The following STIM2 variants were observed in gnomAD, a reference collection of about 807,000 sequenced individuals.
STIM2 encodes the protein stromal interaction molecule 2.
A neutral mutation model predicts 85.8 loss-of-function variants in STIM2; 31 were observed. That is an observed-to-expected ratio of 0.36 (90% CI 0.27 to 0.49). The LOEUF is 0.49. Ranked by LOEUF, STIM2 falls within the 20% of genes least tolerant of loss-of-function variation. STIM2 has a pLI of 0.98. For synonymous variants in STIM2, 356 were observed against 331.1 expected (o/e 1.08, Z -0.82); for missense variants, 841 against 927.6 (o/e 0.91, Z 1.21).
Position 27,008,289 on chromosome 4 carries a change from A to G in STIM2, c.1150-139A>G, listed in dbSNP as rs1577494118. The G allele has an allele frequency of 9.3e-6, 5 of 534,930 alleles. No homozygotes were observed. In the South Asian group the frequency reaches 1.7e-4, roughly 19 times the overall value. The allele number at this position is 534,930 out of a possible 1,614,324, so 33.1% of individuals were successfully genotyped here. On this transcript the variant is annotated intron_variant, in intron 8 of 11. Transcript: ENST00000467087. ...CTGTTTTCTTTTTTGGAATGCAGGG[A>G]TATCTTGGCTAGTAATTCTCTACTG...
chr4:26,950,424 G>A (rs1053800001), intron 2 of STIM2, among the ~76,000 whole-genome samples: 1 of 152,146 alleles, frequency 6.6e-6, no homozygotes, highest in Non-Finnish European at 1.5e-5. Flanking sequence ...TGGCTTGAAT[G>A]TGTTCCCCAA....
At chr4:26,955,369 A>G (rs926516696) in intron 2 of STIM2, among the ~76,000 whole-genome samples, 6 of 148,036 alleles carry the variant, frequency 4.1e-5, no homozygotes, top group African/African-American at 1.5e-4. Context: ...TCTTTAATAT[A>G]TATTACGTAA....
At chr4:26,983,645 T>G (rs1205872422) in intron 3 of STIM2, among the ~76,000 whole-genome samples, 3 of 152,242 alleles carry the variant, frequency 2.0e-5, no homozygotes, top group Non-Finnish European at 2.9e-5. Context: ...TATTGTGTCT[T>G]CTTACCTGGA....
At chr4:26,923,270 TG>T (rs1560208662) in intron 2 of STIM2, among the ~76,000 whole-genome samples, 2 of 149,388 alleles carry the variant, frequency 1.3e-5, no homozygotes, top group East Asian at 3.9e-4. Flanking sequence ...ACCACAAAGA[TG>T]GGGAAAAAAC....
chr4:26,888,061 T>G (rs1723328213), intron 1 of STIM2, among the ~76,000 whole-genome samples: 1 of 152,230 alleles, frequency 6.6e-6, no homozygotes, highest in Admixed American at 6.5e-5. Context: ...AATAATTTCC[T>G]TTGCTTAAAG....
chr4:26,890,730 A>G (rs1397740911), intron 1 of STIM2, among the ~76,000 whole-genome samples: 1 of 150,100 alleles, frequency 6.7e-6, no homozygotes, highest in Non-Finnish European at 1.5e-5. Flanking sequence ...AGGCTGAGGC[A>G]GGAGAATGGC....
chr4:27,022,801 C>G lies in STIM2; in HGVS notation c.2046C>G (p.Asn682Lys). The G allele has an allele frequency of 6.2e-7, 1 of 1,614,168 alleles. No individual in the cohort carries two copies. The highest frequency in any genetic ancestry group is 8.5e-7 in the Non-Finnish European group (1 of 1,180,044). ...TTTTGGAGAAATCCTGTAGCATGAA[C>G]CAGCTTTCCAGTGGCATCCCGGTGC... The change falls in exon 12 of 12, where the codon AAC (asparagine) becomes AAG (lysine). Residue 682 changes from asparagine (N) to lysine (K), a missense_variant. Physicochemically the swap from Asn to Lys is moderately conservative, Grantham distance 94 (BLOSUM62 0). Transcript: ENST00000467087.
At chr4:26,882,455 T>TTCTTTC (rs1216586755) in intron 1 of STIM2, among the ~76,000 whole-genome samples, 1 of 111,326 alleles carries the variant, frequency 9.0e-6, no homozygotes, top group African/African-American at 5.1e-5. Flanking sequence ...CTTTCTTTCT[T>TTCTTTC]TTTTTTTGTT....
chr4:26,893,064 C>T (rs1468695238), intron 1 of STIM2, among the ~76,000 whole-genome samples: 1 of 152,172 alleles, frequency 6.6e-6, no homozygotes, highest in Admixed American at 6.5e-5. Context: ...AGAATCACTA[C>T]CCCTGCATCC....
chr4:26,875,041 C>G (rs1186551247), intron 1 of STIM2, among the ~76,000 whole-genome samples: 1 of 152,176 alleles, frequency 6.6e-6, no homozygotes, highest in Non-Finnish European at 1.5e-5. Context: ...TTAATTGAAG[C>G]TGAATGGCAT....
At position 27,017,879 on chromosome 4, in the gene STIM2, C is replaced by T. The variant is rs1198800157; in HGVS notation, c.1658C>T (p.Ser553Phe). Residue 553 changes from serine (S) to phenylalanine (F), a missense_variant, in exon 11 of 12, where the codon TCC (serine) becomes TTC (phenylalanine). By Grantham distance (155) the Ser-to-Phe change is radical (BLOSUM62 -2). Around this residue, in one of 3 missense-constraint regions of STIM2, gnomAD observed 293 missense variants for 284.5 expected, o/e 1.03. Transcript: ENST00000467087. ...CACCACCCGCAACACACACCACACT[C>T]CTTGCCTTCCCCTGATCCAGATATC... 6.2e-6 allele frequency: 10 copies of T among 1,614,072 alleles called. No individual in the cohort carries two copies. In the African/African-American group the frequency reaches 1.1e-4, roughly 17 times the overall value.
At chr4:26,961,115 G>A (rs1473830850) in intron 3 of STIM2, among the ~76,000 whole-genome samples, 1 of 151,986 alleles carries the variant, frequency 6.6e-6, no homozygotes, top group South Asian at 2.1e-4. Context: ...AAATAATGAA[G>A]ATAACTTTAT....
intron 2 of STIM2, among the ~76,000 whole-genome samples, chr4:26,923,650 T>C (rs1168036203): frequency 9.2e-6 from 1 of 108,898 alleles, no homozygotes; most frequent in Non-Finnish European, 1.9e-5. Context: ...AACATCATAA[T>C]GACAGGATCA....
Position 26,885,601 on chromosome 4 carries a change from A to G in STIM2, c.151+24232A>G, listed in dbSNP as rs186988407. Among the ~76,000 whole-genome samples, 670 of 151,934 alleles carry G rather than the reference A, an allele frequency of 4.4e-3. 8 individuals are homozygous for G. Among genetic ancestry groups the G allele is most frequent in the African/African-American group, 0.016 (649 of 41,470 alleles). On this transcript the variant is annotated intron_variant, in intron 1 of 11. Transcript: ENST00000467087. Reference sequence around the variant, plus strand: ...TGAAGGATCCTCCTTTAACTAAAGCATGTAGGATTTTAATGTGTGATATTT... The same window carrying G: ...TGAAGGATCCTCCTTTAACTAAAGCGTGTAGGATTTTAATGTGTGATATTT...
Position 27,007,557 on chromosome 4 carries a change from G to A in STIM2, c.1006G>A (p.Glu336Lys). The change falls in exon 8 of 12, where the codon GAA (glutamate) becomes AAA (lysine). Residue 336 changes from glutamate to lysine, a missense_variant. Around this residue, in one of 3 missense-constraint regions of STIM2, gnomAD observed 408 missense variants for 525.4 expected, o/e 0.78. Transcript: ENST00000467087. ...GGTTCGCATGGCTCTGAAAAAGGCC[G>A]AAAAAGAATTTGAACTGAGAAGCAG... 1 of 1,563,348 alleles carries A rather than the reference G, an allele frequency of 6.4e-7. No homozygotes were observed. Among genetic ancestry groups the A allele is most frequent in the Non-Finnish European group, 8.7e-7 (1 of 1,154,866 alleles).
In STIM2 at chr4:26,891,961, G is replaced by A. The variant is rs181588592; in HGVS notation, c.152-27543G>A. 4.4e-3 allele frequency among the ~76,000 whole-genome samples: 671 copies of A among 152,306 alleles called. 8 individuals are homozygous for A. Among genetic ancestry groups the A allele is most frequent in the African/African-American group, 0.016 (650 of 41,568 alleles). ...CCAGTGGGAGATGATTGAATCTTGG[G>A]TGTGGGTCTTTCCCATGCTGTTCTC... On this transcript the variant is annotated intron_variant, in intron 1 of 11. Coordinates refer to ENST00000467087, the MANE Select transcript of STIM2 (RefSeq NM_020860.4).
At chr4:26,940,084 A>C (rs1384333989) in intron 2 of STIM2, among the ~76,000 whole-genome samples, 1 of 152,214 alleles carries the variant, frequency 6.6e-6, no homozygotes, top group Admixed American at 6.5e-5. Flanking sequence ...TAGGAAGCAC[A>C]TGCCGTGATG....
At chr4:26,953,694 G>A (rs1009121714) in intron 2 of STIM2, among the ~76,000 whole-genome samples, 1 of 152,056 alleles carries the variant, frequency 6.6e-6, no homozygotes, top group Non-Finnish European at 1.5e-5. Context: ...GCTGTTCCTG[G>A]TGCTATGTCT....
chr4:26,976,655 A>G (rs1004213945), intron 3 of STIM2, among the ~76,000 whole-genome samples: 1 of 151,914 alleles, frequency 6.6e-6, no homozygotes, highest in Non-Finnish European at 1.5e-5. Context: ...AAAAATACAA[A>G]AATTAGCTGG....
Sources: allele counts gnomAD v4.1 joint callset (sites outside exome capture counted in the v4.1 genomes callset), GRCh38; gene constraint gnomAD v4.1.1; regional missense constraint gnomAD v4.1.1; transcripts MANE v1.5; gene names NCBI Gene and HGNC (gene_info 2026-07-23, HGNC 2026-07-21).